PLCB1: variants seen among roughly 807,000 people sequenced by gnomAD.
The protein encoded by PLCB1 is phospholipase C beta 1.
A neutral mutation model predicts 161.8 loss-of-function variants in PLCB1; 46 were observed. That is an observed-to-expected ratio of 0.28 (90% CI 0.22 to 0.36). The LOEUF (loss-of-function observed/expected upper bound fraction) is 0.36, where lower values mean the gene tolerates loss of function less well. Among genes scored for constraint, PLCB1 ranks in the 10% least tolerant of loss-of-function variants. The pLI, the probability that PLCB1 is intolerant of heterozygous loss-of-function variation, is 1.00. For synonymous variants in PLCB1, 517 were observed against 503.7 expected, an observed-to-expected ratio of 1.03 and a Z score of -0.35; for missense variants, 1,016 against 1,472.5, an observed-to-expected ratio of 0.69 and a Z score of 5.07.
intron 3 of PLCB1, among the ~76,000 whole-genome samples, chr20:8,627,542 T>C (rs527822546): frequency 1.6e-4 from 24 of 152,350 alleles, no homozygotes; most frequent in African/African-American, 5.8e-4. Flanking sequence ...CTCATTTCCT[T>C]CAGGGCCTGT....
At chr20:8,628,255 C>A in intron 3 of PLCB1, 39 bp from the exon 4 acceptor site, 1 of 1,504,428 alleles carries the variant, frequency 6.6e-7, no homozygotes, top group South Asian at 1.1e-5. Flanking sequence ...GTTGGAATCT[C>A]TAGTTATAGA....
At chr20:8,744,616 T>TAAATAAAATA (rs11474419) in intron 23 of PLCB1, among the ~76,000 whole-genome samples, 1,726 of 121,184 alleles carry the variant, frequency 0.014, 34 homozygotes, top group African/African-American at 0.029. Flanking sequence ...AAAAATAAAA[T>TAAATAAAATA]AAATAAAATA....
At chr20:8,262,282 G>C (rs1319610901) in intron 2 of PLCB1, among the ~76,000 whole-genome samples, 2 of 151,936 alleles carry the variant, frequency 1.3e-5, no homozygotes, top group Non-Finnish European at 2.9e-5. Flanking sequence ...GTAGAGACGG[G>C]GTTTCACCAT....
At chr20:8,166,710 G>A (rs1174849932) in intron 2 of PLCB1, among the ~76,000 whole-genome samples, 1 of 152,100 alleles carries the variant, frequency 6.6e-6, no homozygotes, top group African/African-American at 2.4e-5. Context: ...AACCCTGAAA[G>A]TCTTCCTTAA....
chr20:8,833,751 A>AT (rs1374236670), intron 31 of PLCB1, among the ~76,000 whole-genome samples: 1 of 152,208 alleles, frequency 6.6e-6, no homozygotes, highest in Non-Finnish European at 1.5e-5. Context: ...AAGCCACTCA[A>AT]TTTTTGGTAA....
chr20:8,628,868 A>AGGTT (rs1241032777), intron 4 of PLCB1, among the ~76,000 whole-genome samples: 2 of 151,988 alleles, frequency 1.3e-5, no homozygotes, highest in African/African-American at 2.4e-5. Context: ...CAGGAGGTGG[A>AGGTT]GGTTGCAGTG....
chr20:8,181,324 T>A (rs2051842026), intron 2 of PLCB1, among the ~76,000 whole-genome samples: 1 of 151,786 alleles, frequency 6.6e-6, no homozygotes, highest in Non-Finnish European at 1.5e-5. Context: ...AGTGCTTTGC[T>A]TTGGGGAATG....
chr20:8,266,902 G>A (rs946586652), intron 2 of PLCB1, among the ~76,000 whole-genome samples: 3 of 152,120 alleles, frequency 2.0e-5, no homozygotes, highest in Non-Finnish European at 4.4e-5. Flanking sequence ...AGCTGGGCAT[G>A]GTGGCAGGCA....
chr20:8,274,494 A>G (rs757085729), intron 2 of PLCB1, among the ~76,000 whole-genome samples: 1 of 150,958 alleles, frequency 6.6e-6, no homozygotes, highest in Non-Finnish European at 1.5e-5. Context: ...TTTTTTTTAC[A>G]CTGTGTATCT....
chr20:8,662,009 A>T (rs1600233166), intron 9 of PLCB1, among the ~76,000 whole-genome samples: 1 of 88,708 alleles, frequency 1.1e-5, no homozygotes, highest in Admixed American at 1.9e-4. Flanking sequence ...TTTATTATAT[A>T]ATTATATATA....
intron 1 of PLCB1, chr20:8,141,854 T>G (rs1278720796): frequency 6.6e-6 from 1 of 152,206 alleles, no homozygotes; most frequent in Non-Finnish European, 1.5e-5. Context: ...TGTTGTCTTT[T>G]GCTGATTCCT....
At chr20:8,303,159 A>G (rs1983983952) in intron 2 of PLCB1, among the ~76,000 whole-genome samples, 1 of 152,246 alleles carries the variant, frequency 6.6e-6, no homozygotes, top group Admixed American at 6.5e-5. Context: ...TCCCATGAGC[A>G]GCTTCTCAGA....
At chr20:8,278,990 C>A (rs60377943) in intron 2 of PLCB1, among the ~76,000 whole-genome samples, 3,491 of 148,708 alleles carry the variant, frequency 0.023, 110 homozygotes, top group African/African-American at 0.071. Flanking sequence ...AAAAAAAAAA[C>A]AAAACAGAAA....
At chr20:8,636,655 C>A (rs1047658968) in intron 4 of PLCB1, among the ~76,000 whole-genome samples, 1 of 152,192 alleles carries the variant, frequency 6.6e-6, no homozygotes, top group Admixed American at 6.5e-5. Flanking sequence ...GAAGAAAGCA[C>A]CCCTGCCTTC....
At chr20:8,838,155 T>G (rs751274167) in intron 31 of PLCB1, among the ~76,000 whole-genome samples, 1 of 152,192 alleles carries the variant, frequency 6.6e-6, no homozygotes, top group Non-Finnish European at 1.5e-5. Context: ...TGAGCCAGTT[T>G]ATAGACCCAA....
intron 3 of PLCB1, among the ~76,000 whole-genome samples, chr20:8,510,340 G>A (rs1983826895): frequency 6.9e-6 from 1 of 145,414 alleles, no homozygotes; most frequent in South Asian, 2.2e-4. Flanking sequence ...AATTTTCTGA[G>A]TTATTTATTT....
At chr20:8,530,187 T>G (rs1600131302) in intron 3 of PLCB1, among the ~76,000 whole-genome samples, 1 of 152,254 alleles carries the variant, frequency 6.6e-6, no homozygotes, top group Middle Eastern at 3.4e-3. Context: ...TGTTTTTCTC[T>G]GTTGAGTTTC....
intron 10 of PLCB1, among the ~76,000 whole-genome samples, chr20:8,685,944 C>T (rs1990348897): frequency 6.6e-6 from 1 of 152,010 alleles, no homozygotes; most frequent in African/African-American, 2.4e-5. Context: ...GCACCCTTCT[C>T]AGAATGCTAA....
chr20:8,741,471 C>A lies in PLCB1; in HGVS notation c.2421C>A (p.Ile807=). ...TATCTCTTCCCTATTTAGATGTCAT[C>A]GAAGCTTTATCAAACCCAATCCGAT... The part of the protein sequence containing the change: ...DYVPDTYADV[I]EALSNPIRYV... Residue 807 remains isoleucine, a synonymous_variant, in exon 23 of 32, where the codon ATC becomes ATA. Transcript: ENST00000338037. 9 of 1,611,048 alleles carry A rather than the reference C, an allele frequency of 5.6e-6. No homozygotes were observed. The highest frequency in any genetic ancestry group is 7.6e-6 in the Non-Finnish European group (9 of 1,177,444).
Sources: gnomAD v4.1 joint callset for allele counts (sites outside exome capture counted in the v4.1 genomes callset) on GRCh38, gnomAD v4.1.1 for gene constraint, MANE v1.5 for transcripts, NCBI Gene and HGNC (gene_info 2026-07-23, HGNC 2026-07-21) for gene names.